PLA2G7: variants seen among roughly 807,000 people sequenced by gnomAD.
PLA2G7 encodes platelet-activating factor acetylhydrolase.
PLA2G7 carries 63 observed loss-of-function variants against 49.6 expected under a neutral mutation model. The ratio of observed to expected loss-of-function variants is 1.27; its 90% confidence interval spans 1.04 to 1.57. The LOEUF is 1.57. Ranked by LOEUF, PLA2G7 falls within the 40% of genes most tolerant of loss-of-function variation. The pLI is 0.00. For missense variants in PLA2G7, 596 were observed against 521.2 expected, an observed-to-expected ratio of 1.14 and a Z score of -1.40; for synonymous variants, 193 against 169.9, an observed-to-expected ratio of 1.14 and a Z score of -1.06.
At chr6:46,712,918 C>T (rs1016296687) in intron 5 of PLA2G7, among the ~76,000 whole-genome samples, 8 of 152,198 alleles carry the variant, frequency 5.3e-5, no homozygotes, top group African/African-American at 1.7e-4. Context: ...AGTTTGAACC[C>T]TGGTTCTACC....
At chr6:46,735,676 C>G (rs761149517), upstream of PLA2G7, 27 of 152,438 alleles carry the variant, frequency 1.8e-4, no homozygotes, top group Non-Finnish European at 2.8e-4. Flanking sequence ...ATTCACCCCC[C>G]AGTCAGGCCG....
rs45479396 is a variant in PLA2G7, at chr6:46,733,244, G to A, written c.-35+1936C>T. 6.6e-3 allele frequency among the ~76,000 whole-genome samples: 1,005 copies of A among 152,322 alleles called. 11 individuals carry two copies. The highest frequency in any genetic ancestry group is 0.023 in the African/African-American group (942 of 41,568). ...AGGGAATGTGTTTAGGCCCATGTAT[G>A]TTCCTCACAACAAAAGTGCAAAGGG... On this transcript the variant is annotated intron_variant, in intron 1 of 11. Coordinates refer to ENST00000274793, the MANE Select transcript of PLA2G7 (RefSeq NM_005084.4).
chr6:46,732,009 G>A (rs2150715548), intron 1 of PLA2G7, among the ~76,000 whole-genome samples: 1 of 152,176 alleles, frequency 6.6e-6, no homozygotes, highest in South Asian at 2.1e-4. Flanking sequence ...TCTTTATAAA[G>A]TAAATCAATT....
At chr6:46,732,358 AAC>A (rs1582592220) in intron 1 of PLA2G7, among the ~76,000 whole-genome samples, 1 of 127,304 alleles carries the variant, frequency 7.9e-6, no homozygotes, top group Non-Finnish European at 1.6e-5. Flanking sequence ...CCATATATCC[AAC>A]ACACACATAC....
chr6:46,724,486 G>A (rs752732741), intron 1 of PLA2G7, among the ~76,000 whole-genome samples: 28 of 152,164 alleles, frequency 1.8e-4, no homozygotes, highest in Non-Finnish European at 2.9e-4. Context: ...GCTATTTTGC[G>A]GGAAGATGTA....
chr6:46,711,328 C>A (rs1189789946), intron 7 of PLA2G7, among the ~76,000 whole-genome samples, 168 bp downstream of exon 7: 1 of 152,112 alleles, frequency 6.6e-6, no homozygotes, highest in Non-Finnish European at 1.5e-5. Flanking sequence ...ACTAGATATT[C>A]CATTAAGGGA....
In PLA2G7 at chr6:46,710,597, C is replaced by T; in HGVS notation, c.725G>A (p.Gly242Glu). 5.0e-6 allele frequency: 8 copies of T among 1,613,550 alleles called. No individual in the cohort carries two copies. Among genetic ancestry groups the T allele is most frequent in the Non-Finnish European group, 5.9e-6 (7 of 1,179,546 alleles). The change falls in exon 8 of 12, where the codon GGA (glycine) becomes GAA (glutamate). Residue 242 changes from glycine (G) to glutamate (E), a missense_variant. Physicochemically the swap from Gly to Glu is moderately conservative, Grantham distance 98. Coordinates refer to ENST00000274793, the MANE Select transcript of PLA2G7 (RefSeq NM_005084.4). ...ATCTAATGCATTCTTCACTGGCTTT[C>T]CATGATCAATGTCAAGAATCAGACT... is the stretch of plus-strand genomic sequence containing the variant. ...ALSLILDIDH[G>E]KPVKNALDLK...
At chr6:46,726,436 C>T (rs1431685359) in intron 1 of PLA2G7, among the ~76,000 whole-genome samples, 4 of 152,078 alleles carry the variant, frequency 2.6e-5, no homozygotes, top group Non-Finnish European at 5.9e-5. Context: ...CAGATAAGTG[C>T]CTTTTTCTCA....
In PLA2G7 at chr6:46,710,527, T is replaced by A. The variant is rs527508306; in HGVS notation, c.777+18A>T. Reference sequence around the variant, plus strand: ...AAAGAACTGTAGGACAAGAGAAAAATTACTTTTTATAGCTTACCTTCAGTT... The same window carrying A: ...AAAGAACTGTAGGACAAGAGAAAAAATACTTTTTATAGCTTACCTTCAGTT... On this transcript the variant is annotated intron_variant, in intron 8 of 11. Transcript: ENST00000274793. 2.2e-5 allele frequency: 31 copies of A among 1,437,234 alleles called. No homozygotes were observed. In the Admixed American group the frequency reaches 2.2e-4, roughly 10 times the overall value. 89.0% of individuals were successfully genotyped at this position (1,437,234 alleles called of 1,614,324 possible).
At chr6:46,730,041 C>T (rs1180125960) in intron 1 of PLA2G7, among the ~76,000 whole-genome samples, 1 of 152,186 alleles carries the variant, frequency 6.6e-6, no homozygotes, top group Non-Finnish European at 1.5e-5. Flanking sequence ...GGGAGGCCAC[C>T]CTCCCACTGC....
rs539330759 is a variant in PLA2G7, at chr6:46,732,248, C to G, written c.-35+2932G>C. 1.3e-5 allele frequency among the ~76,000 whole-genome samples: 2 copies of G among 152,122 alleles called. 1 individual carries two copies. Among genetic ancestry groups the G allele is most frequent in the South Asian group, 4.1e-4 (2 of 4,820 alleles). ...AGCAGGACATTTGTGCTTGTGGTTC[C>G]CTCTGCAGGGACGTCTGCCCATCTT... On this transcript the variant is annotated intron_variant, in intron 1 of 11. Coordinates refer to ENST00000274793, the MANE Select transcript of PLA2G7 (RefSeq NM_005084.4).
chr6:46,706,669 A>C (rs969912232), intron 10 of PLA2G7, among the ~76,000 whole-genome samples: 7 of 152,250 alleles, frequency 4.6e-5, no homozygotes, highest in Non-Finnish European at 7.3e-5. Context: ...AAGCACATGC[A>C]ATGACTAATA....
intron 10 of PLA2G7, among the ~76,000 whole-genome samples, chr6:46,706,313 C>T (rs138789743): frequency 6.6e-6 from 1 of 152,288 alleles, no homozygotes; most frequent in Non-Finnish European, 1.5e-5. Context: ...CTCTTCCCCA[C>T]ATTGTAGTAG....
At position 46,734,415 on chromosome 6, in the gene PLA2G7, TGAGAGAGAGAGA is replaced by T. The variant is rs70996386; in HGVS notation, c.-35+753_-35+764del. 7.8e-3 allele frequency among the ~76,000 whole-genome samples: 425 copies of T among 54,192 alleles called. 59 individuals carry two copies. The highest frequency in any genetic ancestry group is 0.02 in the South Asian group (23 of 1,128). 35.6% of individuals were successfully genotyped at this position (54,192 alleles called of 152,430 possible). On this transcript the variant is annotated intron_variant, in intron 1 of 11. Coordinates refer to ENST00000274793, the MANE Select transcript of PLA2G7 (RefSeq NM_005084.4). ...AGGTGTGTAGTGGTGTGTGTGTGTG[TGAGAGAGAGAGA>T]GAGAGAGAGAGAGAGAGAGAGAGAG... is the stretch of plus-strand genomic sequence containing the variant.
Position 46,711,532 on chromosome 6 carries a change from C to G in PLA2G7, c.627G>C (p.Leu209=), listed in dbSNP as rs1765020941. 1 of 1,613,746 alleles carries G rather than the reference C, an allele frequency of 6.2e-7. No individual in the cohort carries two copies. The highest frequency in any genetic ancestry group is 1.3e-5 in the African/African-American group (1 of 75,030). Residue 209 remains leucine, a synonymous_variant, in exon 7 of 12, where the codon CTG becomes CTC. Coordinates refer to ENST00000274793, the MANE Select transcript of PLA2G7 (RefSeq NM_005084.4). The part of the protein sequence containing the change: ...GDKSWLYLRT[L]KQEEETHIRN... Reference sequence around the variant, plus strand: ...GTATATGTGTCTCCTCCTCTTGTTTCAGGGTTCTAAGGTAGAGCCAAGACT... The same window carrying G: ...GTATATGTGTCTCCTCCTCTTGTTTGAGGGTTCTAAGGTAGAGCCAAGACT...
At chr6:46,726,896 CCT>C (rs1164355925) in intron 1 of PLA2G7, among the ~76,000 whole-genome samples, 13 of 152,108 alleles carry the variant, frequency 8.5e-5, no homozygotes, top group Non-Finnish European at 1.8e-4. Flanking sequence ...CTCACCTCTA[CCT>C]CTCAAAGTGC....
At chr6:46,713,326 A>C (rs1765093709) in intron 5 of PLA2G7, among the ~76,000 whole-genome samples, 1 of 152,242 alleles carries the variant, frequency 6.6e-6, no homozygotes, top group Non-Finnish European at 1.5e-5. Flanking sequence ...GGGATTAGCA[A>C]ACTTTTTCTG....
intron 8 of PLA2G7, 113 bp downstream of exon 8, chr6:46,710,432 G>A: frequency 1.4e-6 from 1 of 721,436 alleles, no homozygotes; most frequent in Non-Finnish European, 2.5e-6. Flanking sequence ...CATTGGGGAG[G>A]GGGCTGGTTG....
At chr6:46,731,450 A>G (rs1440329398) in intron 1 of PLA2G7, among the ~76,000 whole-genome samples, 2 of 152,128 alleles carry the variant, frequency 1.3e-5, no homozygotes, top group Non-Finnish European at 2.9e-5. Context: ...TTTTTTTCCC[A>G]TTCCCAGCTT....
Sources: gnomAD v4.1 joint callset for allele counts (sites outside exome capture counted in the v4.1 genomes callset) on GRCh38, gnomAD v4.1.1 for gene constraint, MANE v1.5 for transcripts, NCBI Gene and HGNC (gene_info 2026-07-23, HGNC 2026-07-21) for gene names.